Variants in PHC1 observed in about 807,000 individuals in gnomAD.
PHC1 encodes the protein polyhomeotic-like protein 1.
Under a neutral mutation model 104.3 loss-of-function variants are expected in PHC1, and 12 were observed. The ratio of observed to expected loss-of-function variants is 0.12; its 90% CI spans 0.07 to 0.19. The LOEUF is 0.19. Ranked by LOEUF, PHC1 falls within the 10% of genes least tolerant of loss-of-function variation. The pLI is 1.00. For missense variants in PHC1, 671 were observed against 1,200.0 expected (o/e 0.56, Z 6.51); for synonymous variants, 302 against 455.8 (o/e 0.66, Z 4.30).
intron 10 of PHC1, 78 bp from the exon 11 acceptor site, chr12:8,935,046 A>T (rs2137125570): frequency 1.4e-6 from 1 of 702,494 alleles, no homozygotes; most frequent in Non-Finnish European, 2.4e-6. Context: ...GACATAATTG[A>T]TGGGGAAATG....
intron 3 of PHC1, 147 bp downstream of exon 3, chr12:8,920,013 T>C (rs1945315668): frequency 1.6e-6 from 2 of 1,264,358 alleles, no homozygotes; most frequent in Non-Finnish European, 2.2e-6. Context: ...GGAGGATGGA[T>C]GCATCTTAGC....
At position 8,934,385 on chromosome 12, in the gene PHC1, T is replaced by C. The variant is rs775328673; in HGVS notation, c.2160T>C (p.Gly720=). The change falls in exon 10 of 15, where the codon GGT becomes GGC. Residue 720 remains glycine, a synonymous_variant. Transcript: ENST00000544916. ...TAGCCATGGTGTCTAGACAAATGGG[T>C]GACTCAAAACCCCCACAGGCCATCG... ...PTLAMVSRQM[G]DSKPPQAIVK... is the part of the protein sequence containing the mutation. 1 of 1,613,714 alleles carries C rather than the reference T, an allele frequency of 6.2e-7. No individual in the cohort carries two copies. The highest frequency in any genetic ancestry group is 1.1e-5 in the South Asian group (1 of 91,068).
chr12:8,934,744 A>G (rs1945786955), intron 10 of PHC1, among the ~76,000 whole-genome samples: 1 of 152,178 alleles, frequency 6.6e-6, no homozygotes, highest in African/African-American at 2.4e-5. Context: ...TATAATGAAT[A>G]AAATTATAGT....
intron 6 of PHC1, among the ~76,000 whole-genome samples, chr12:8,928,083 T>C (rs1236285507): frequency 1.3e-5 from 2 of 151,952 alleles, no homozygotes; most frequent in Non-Finnish European, 1.5e-5. Context: ...TGTTTTGTAT[T>C]TTTAGTAGAA....
chr12:8,935,057 T>G, intron 10 of PHC1, 67 bp from the exon 11 acceptor site: 1 of 758,400 alleles, frequency 1.3e-6, no homozygotes, highest in Non-Finnish European at 2.2e-6. Context: ...TGGGGAAATG[T>G]TGGGGAAAGC....
At chr12:8,925,296 T>C (rs758475389) in intron 6 of PHC1, among the ~76,000 whole-genome samples, 1 of 152,302 alleles carries the variant, frequency 6.6e-6, no homozygotes, top group East Asian at 1.9e-4. Context: ...AGTGAGTGTT[T>C]AGGAGAAACT....
chr12:8,914,464 G>C (rs1592180865), upstream of PHC1: 1 of 148,664 alleles, frequency 6.7e-6, no homozygotes, highest in Non-Finnish European at 1.5e-5. Flanking sequence ...CGGCGGGGGG[G>C]GGGTCCGGCT....
chr12:8,929,691 C>T (rs1014266782), intron 6 of PHC1, among the ~76,000 whole-genome samples: 1 of 151,996 alleles, frequency 6.6e-6, no homozygotes, highest in African/African-American at 2.4e-5. Context: ...CCATACCTGG[C>T]TAATTTTCTG....
rs1945717220 is a variant in PHC1 at position 8,932,555 on chromosome 12, T to A, written c.1106-8T>A. 6.2e-7 allele frequency: 1 copy of A among 1,612,742 alleles called. No individual in the cohort carries two copies. The highest frequency in any genetic ancestry group is 1.1e-5 in the South Asian group (1 of 91,066). On this transcript the variant is annotated splice_region_variant and splice_polypyrimidine_tract_variant and intron_variant, in intron 7 of 14. Coordinates refer to ENST00000544916, the MANE Select transcript of PHC1 (RefSeq NM_004426.3). ...TCTCTCTGTTGTATTCTGGGATTGT[T>A]CCTATAGCCACCTACACACAGATCC...
chr12:8,927,496 A>T (rs1196371024), intron 6 of PHC1, among the ~76,000 whole-genome samples: 1 of 152,098 alleles, frequency 6.6e-6, no homozygotes, highest in East Asian at 1.9e-4. Context: ...TTGCCTTTTG[A>T]TAGGAAGAGG....
chr12:8,920,404 C>T (rs1182876463), intron 3 of PHC1, among the ~76,000 whole-genome samples: 1 of 152,116 alleles, frequency 6.6e-6, no homozygotes, highest in African/African-American at 2.4e-5. Flanking sequence ...CATGATATGA[C>T]CTGACCAAAA....
intron 12 of PHC1, 95 bp from the exon 13 acceptor site, chr12:8,937,081 C>T (rs1436477245): frequency 2.7e-6 from 4 of 1,473,076 alleles, no homozygotes; most frequent in East Asian, 2.3e-5. Flanking sequence ...GCTTTTATTC[C>T]CTTCCCCAAA....
chr12:8,928,010 G>A (rs1261975762), intron 6 of PHC1, among the ~76,000 whole-genome samples: 3 of 150,358 alleles, frequency 2.0e-5, no homozygotes, highest in African/African-American at 7.3e-5. Context: ...GGGTTCAAGC[G>A]ATTCTTGTAC....
chr12:8,918,123 C>G (rs1945253702), intron 2 of PHC1, among the ~76,000 whole-genome samples: 1 of 152,194 alleles, frequency 6.6e-6, no homozygotes, highest in African/African-American at 2.4e-5. Flanking sequence ...TATCATGGAA[C>G]TCTTTAGAGA....
At chr12:8,923,867 AC>A (rs1326827075) in intron 6 of PHC1, among the ~76,000 whole-genome samples, 2 of 152,084 alleles carry the variant, frequency 1.3e-5, no homozygotes, top group African/African-American at 2.4e-5. Context: ...GGGCAAAAAA[AC>A]AATTAAAAAT....
intron 3 of PHC1, among the ~76,000 whole-genome samples, 198 bp from the exon 4 acceptor site, chr12:8,920,787 G>C (rs767709386): frequency 6.6e-6 from 1 of 152,204 alleles, no homozygotes; most frequent in African/African-American, 2.4e-5. Context: ...GGAGGGTTAT[G>C]TGGGGCTAAT....
intron 13 of PHC1, 150 bp downstream of exon 13, chr12:8,937,476 C>G: frequency 1.3e-6 from 1 of 742,448 alleles, no homozygotes; most frequent in South Asian, 2.0e-5. Context: ...GAGATCCTGA[C>G]CCCCTTTGTC....
At chr12:8,934,582 A>G in intron 10 of PHC1, 104 bp downstream of exon 10, 1 of 737,682 alleles carries the variant, frequency 1.4e-6, no homozygotes, top group Non-Finnish European at 2.2e-6. Flanking sequence ...ATTTAATGAA[A>G]GAATGGTTCA....
intron 6 of PHC1, among the ~76,000 whole-genome samples, chr12:8,924,551 A>C (rs1342214724): frequency 1.3e-5 from 2 of 152,216 alleles, no homozygotes; most frequent in East Asian, 3.8e-4. Context: ...AATTGGTTAC[A>C]TTACTTTGCA....
Sources: gnomAD v4.1 joint callset for allele counts (sites outside exome capture counted in the v4.1 genomes callset) on GRCh38, gnomAD v4.1.1 for gene constraint, MANE v1.5 for transcripts, NCBI Gene and HGNC (gene_info 2026-07-23, HGNC 2026-07-21) for gene names.